Variants in MDN1 observed in about 807,000 individuals in gnomAD.
The protein encoded by MDN1 is midasin.
Under a neutral mutation model 669.2 loss-of-function variants are expected in MDN1, and 266 were observed. The ratio of observed to expected loss-of-function variants is 0.40; its 90% CI spans 0.36 to 0.44. The LOEUF is 0.44. Among genes scored for constraint, MDN1 ranks in the 20% least tolerant of loss-of-function variants. The pLI is 1.00. For synonymous variants in MDN1, 2,385 were observed against 2,457.1 expected (o/e 0.97, Z 0.87); for missense variants, 5,940 against 6,754.0 (o/e 0.88, Z 4.22).
chr6:89,794,006 G>A (rs770904465), intron 4 of MDN1, 52 bp from the exon 5 acceptor site: 44 of 1,480,542 alleles, frequency 3.0e-5, no homozygotes, highest in African/African-American at 2.8e-4. Context: ...AAATGCTATC[G>A]CAAGACCTGC....
intron 59 of MDN1, among the ~76,000 whole-genome samples, chr6:89,697,242 T>C (rs1439747706): frequency 1.3e-5 from 2 of 152,204 alleles, no homozygotes; most frequent in African/African-American, 4.8e-5. Flanking sequence ...TTGGATCTGT[T>C]TGTATAAAAG....
chr6:89,696,707 C>T, intron 59 of MDN1, 133 bp from the exon 60 acceptor site: 1 of 654,294 alleles, frequency 1.5e-6, no homozygotes, highest in Non-Finnish European at 2.7e-6. Context: ...CAGAGACTGG[C>T]CTAGAAGGAC....
intron 50 of MDN1, among the ~76,000 whole-genome samples, chr6:89,709,872 G>A (rs1813766353): frequency 6.6e-6 from 1 of 152,050 alleles, no homozygotes; most frequent in African/African-American, 2.4e-5. Context: ...GTCTATTTCT[G>A]TTATCACTAT....
In MDN1 at chr6:89,692,479, G is replaced by T. The variant is rs1236789429; in HGVS notation, c.10551C>A (p.Asp3517Glu). Residue 3517 changes from aspartate (D) to glutamate (E), a missense_variant, in exon 63 of 102, where the codon GAC becomes GAA. Around this residue, in one of 5 missense-constraint regions of MDN1, gnomAD observed 2,280 missense variants for 2,576.3 expected, o/e 0.88. Transcript: ENST00000369393. ...GTCTGAAGAGCTGCAGGGCCCTCTG[G>T]TCCAACTCTCCCTTGCATAACACGT... Reference protein sequence around the residue: ...RSHVLCKGELDQRALQLFRHV... With the variant: ...RSHVLCKGELEQRALQLFRHV... 5 of 1,613,886 alleles carry T rather than the reference G, an allele frequency of 3.1e-6. No homozygotes were observed. In the East Asian group the frequency reaches 1.1e-4, roughly 36 times the overall value.
At chr6:89,668,203 AAGG>A (rs1264525456) in intron 83 of MDN1, 52 bp from the exon 84 acceptor site, 8 of 1,602,288 alleles carry the variant, frequency 5.0e-6, no homozygotes, top group African/African-American at 2.7e-5. Flanking sequence ...GCAATTTTAA[AAGG>A]AGATTTCATT....
At chr6:89,701,487 T>C in intron 55 of MDN1, 71 bp downstream of exon 55, 1 of 1,564,072 alleles carries the variant, frequency 6.4e-7, no homozygotes, top group Non-Finnish European at 8.7e-7. Context: ...CAATGTCAGT[T>C]CCCAAGTTCC....
At chr6:89,689,662 C>G (rs999443306) in intron 65 of MDN1, among the ~76,000 whole-genome samples, 6 of 152,094 alleles carry the variant, frequency 3.9e-5, no homozygotes, top group African/African-American at 1.4e-4. Flanking sequence ...TTTTCTTGGC[C>G]CATTTGTACA....
At chr6:89,651,573 G>A (rs9294442) in intron 95 of MDN1, among the ~76,000 whole-genome samples, 127,684 of 151,892 alleles carry the variant, frequency 0.84, 53,861 homozygotes, top group East Asian at 1. Flanking sequence ...CCGAGATTGC[G>A]CCACTGCACT....
intron 86 of MDN1, 152 bp downstream of exon 86, chr6:89,662,640 A>G (rs1809880896): frequency 2.1e-6 from 2 of 937,146 alleles, no homozygotes; most frequent in Non-Finnish European, 3.2e-6. Context: ...AATGTAATCA[A>G]TAAGATAGGA....
Position 89,787,899 on chromosome 6 carries a change from T to G in MDN1, c.1289A>C (p.Asp430Ala). ...AAATCCAGGTGCCACTTTCAGACAG[T>G]CACCTCGGCCAGGAATCAAGAGCTC... The part of the protein sequence containing the change: ...NGELLIPGRG[D>A]CLKVAPGFQF... Residue 430 changes from aspartate to alanine, a missense_variant, in exon 8 of 102, where the codon GAC becomes GCC. Physicochemically the swap from Asp to Ala is moderately radical, Grantham distance 126 (BLOSUM62 -2). Coordinates refer to ENST00000369393, the MANE Select transcript of MDN1 (RefSeq NM_014611.3). 2 of 1,613,650 alleles carry G rather than the reference T, an allele frequency of 1.2e-6. No homozygotes were observed. Among genetic ancestry groups the G allele is most frequent in the Non-Finnish European group, 1.7e-6 (2 of 1,180,014 alleles).
At chr6:89,665,706 CAAAAAAAAAAAA>C (rs61352567) in intron 84 of MDN1, among the ~76,000 whole-genome samples, 7 of 126,286 alleles carry the variant, frequency 5.5e-5, no homozygotes, top group East Asian at 4.3e-4. Flanking sequence ...GACTCCGTTT[CAAAAAAAAAAAA>C]AAAAAAAAAA....
At chr6:89,764,321 T>C (rs535679294) in intron 15 of MDN1, among the ~76,000 whole-genome samples, 4 of 152,234 alleles carry the variant, frequency 2.6e-5, no homozygotes, top group Admixed American at 6.5e-5. Flanking sequence ...AAAGTGACAA[T>C]AGGCCAGGTG....
intron 90 of MDN1, among the ~76,000 whole-genome samples, 186 bp downstream of exon 90, chr6:89,658,023 T>TA (rs1259268246): frequency 1.3e-5 from 2 of 152,200 alleles, no homozygotes; most frequent in Non-Finnish European, 1.5e-5. Flanking sequence ...TCCCTGTCTT[T>TA]AAAAAATAAC....
intron 84 of MDN1, among the ~76,000 whole-genome samples, chr6:89,666,881 T>C (rs1298687350): frequency 6.6e-6 from 1 of 152,254 alleles, no homozygotes; most frequent in Non-Finnish European, 1.5e-5. Context: ...TTAATAGTTT[T>C]ACCATTGTTC....
chr6:89,803,890 CTTTTCT>C (rs1241089882), intron 1 of MDN1, among the ~76,000 whole-genome samples: 3,501 of 93,098 alleles, frequency 0.038, 26 homozygotes, highest in Non-Finnish European at 0.053. Context: ...CTTTTCTTTT[CTTTTCT>C]TTTTTTTTTT....
intron 50 of MDN1, 54 bp from the exon 51 acceptor site, chr6:89,708,682 C>A: frequency 6.4e-7 from 1 of 1,574,644 alleles, no homozygotes; most frequent in Non-Finnish European, 8.7e-7. Flanking sequence ...AAACTCCTTG[C>A]CTGGGAAGTT....
chr6:89,815,374 T>C, intron 1 of MDN1: 1 of 439,314 alleles, frequency 2.3e-6, no homozygotes, highest in Non-Finnish European at 4.5e-6. Flanking sequence ...AATGACACTC[T>C]CATTCATGAC....
chr6:89,751,414 G>C lies in MDN1; in HGVS notation c.3227+17C>G, dbSNP rs1562179626. 6.2e-7 allele frequency: 1 copy of C among 1,613,952 alleles called. No individual in the cohort carries two copies. On this transcript the variant is annotated intron_variant, in intron 23 of 101. Coordinates refer to ENST00000369393, the MANE Select transcript of MDN1 (RefSeq NM_014611.3). The stretch of plus-strand genomic sequence containing the variant: ...GCCTGTATCAAGTTCGGGGCAGCGA[G>C]AAAAAAGCCCACACACCCTGCAGAG...
At position 89,749,536 on chromosome 6, in the gene MDN1, T is replaced by C. The variant is rs752483472; in HGVS notation, c.3615+7A>G. ...CAAATTGAAGGAAGGAGACAAATGCTACATACCTTTCTGCCTCCATAAAGT... is the reference window on the plus strand; with the variant it reads ...CAAATTGAAGGAAGGAGACAAATGCCACATACCTTTCTGCCTCCATAAAGT... On this transcript the variant is annotated splice_region_variant and intron_variant, in intron 25 of 101. Coordinates refer to ENST00000369393, the MANE Select transcript of MDN1 (RefSeq NM_014611.3). 1.9e-6 allele frequency: 3 copies of C among 1,613,774 alleles called. No individual in the cohort carries two copies. The highest frequency in any genetic ancestry group is 2.5e-6 in the Non-Finnish European group (3 of 1,179,660).
Sources: gnomAD v4.1 joint callset for allele counts (sites outside exome capture counted in the v4.1 genomes callset) on GRCh38, gnomAD v4.1.1 for gene constraint, gnomAD v4.1.1 regional missense constraint, MANE v1.5 for transcripts, NCBI Gene and HGNC (gene_info 2026-07-23, HGNC 2026-07-21) for gene names.